The following GRIP1 variants were observed in gnomAD, a reference collection of about 807,000 sequenced individuals.
GRIP1 encodes the protein glutamate receptor interacting protein 1, also known as glutamate receptor-interacting protein 1.
GRIP1 carries 45 observed loss-of-function variants against 129.9 expected under a neutral mutation model. The ratio of observed to expected loss-of-function variants is 0.35; its 90% confidence interval spans 0.27 to 0.44. The LOEUF is 0.44. GRIP1 is among the 20% of genes least tolerant of loss of function. GRIP1 has a pLI of 1.00. For synonymous variants in GRIP1, 530 were observed against 520.8 expected, an observed-to-expected ratio of 1.02 and a Z score of -0.24; for missense variants, 1,196 against 1,396.8, an observed-to-expected ratio of 0.86 and a Z score of 2.29.
chr12:66,437,726 C>T (rs2058353394), intron 13 of GRIP1, among the ~76,000 whole-genome samples: 1 of 152,062 alleles, frequency 6.6e-6, no homozygotes, highest in South Asian at 2.1e-4. Flanking sequence ...GGTAATTTGA[C>T]AACTGGAATG....
Position 67,017,305 on chromosome 12 carries a change from G to A in GRIP1, c.58+51745C>T, listed in dbSNP as rs115886611. Among the ~76,000 whole-genome samples the A allele has an allele frequency of 2.5e-3, 386 of 151,808 alleles. 3 individuals are homozygous for A. The highest frequency in any genetic ancestry group is 8.8e-3 in the African/African-American group (363 of 41,392). On this transcript the variant is annotated intron_variant, in intron 1 of 1. Transcript: ENST00000643019. ...CCCAGTTTATGCCTGTTGTCCTCTC[G>A]GTGGCCCCTTTTACTCTTAAAGCAT...
chr12:66,691,863 T>C (rs1482130310), intron 1 of GRIP1, among the ~76,000 whole-genome samples: 2 of 152,144 alleles, frequency 1.3e-5, no homozygotes, highest in African/African-American at 4.8e-5. Context: ...AGCATGCTAA[T>C]GGAAATGCAC....
chr12:66,528,229 G>A (rs1487442363), intron 5 of GRIP1, among the ~76,000 whole-genome samples: 2 of 147,262 alleles, frequency 1.4e-5, no homozygotes, highest in East Asian at 4.1e-4. Context: ...CCACCTCCCG[G>A]GTTCACACCA....
chr12:66,573,256 C>T (rs7968344), intron 2 of GRIP1, among the ~76,000 whole-genome samples: 4 of 151,710 alleles, frequency 2.6e-5, no homozygotes, highest in South Asian at 2.1e-4. Flanking sequence ...AACCTGGGTG[C>T]GCCTGGGAGT....
intron 1 of GRIP1, among the ~76,000 whole-genome samples, chr12:67,050,127 T>G (rs1221442923): frequency 2.0e-5 from 3 of 152,312 alleles, no homozygotes; most frequent in African/African-American, 7.2e-5. Flanking sequence ...ATTAAACTTT[T>G]GTCTTTTATG....
chr12:66,361,506 C>G (rs560504509), intron 23 of GRIP1, among the ~76,000 whole-genome samples: 1 of 152,354 alleles, frequency 6.6e-6, no homozygotes, highest in South Asian at 2.1e-4. Context: ...CACACATCTA[C>G]TGGTTCACAT....
chr12:66,676,480 T>A lies in GRIP1; in HGVS notation c.55+2370A>T, dbSNP rs1225699664. On this transcript the variant is annotated intron_variant, in intron 1 of 24. Transcript: ENST00000359742. Reference sequence around the variant, plus strand: ...AAGGTTTTAGCCACAAGAGGCCTAATAAAGCTCTTGAAGCATTTCCTAAGA... The same window carrying A: ...AAGGTTTTAGCCACAAGAGGCCTAAAAAAGCTCTTGAAGCATTTCCTAAGA... Among the ~76,000 whole-genome samples, 3 of 152,172 alleles carry A rather than the reference T, an allele frequency of 2.0e-5. No individual in the cohort carries two copies. In the East Asian group the frequency reaches 5.8e-4, roughly 29 times the overall value.
intron 2 of GRIP1, among the ~76,000 whole-genome samples, chr12:66,587,975 A>G (rs770201568): frequency 1.6e-4 from 25 of 152,194 alleles, no homozygotes; most frequent in Admixed American, 3.3e-4. Context: ...TTTGATTTTA[A>G]AAGAATTTGT....
intron 1 of GRIP1, among the ~76,000 whole-genome samples, chr12:66,861,426 T>G (rs948652104): frequency 1.3e-5 from 2 of 152,130 alleles, no homozygotes; most frequent in Non-Finnish European, 2.9e-5. Flanking sequence ...AGCTTTTCAA[T>G]GAGATTTACA....
At chr12:66,612,668 A>T (rs1288499640) in intron 1 of GRIP1, among the ~76,000 whole-genome samples, 2 of 152,114 alleles carry the variant, frequency 1.3e-5, no homozygotes, top group Admixed American at 6.5e-5. Flanking sequence ...AATAAAAAAA[A>T]TTTAAATATC....
At chr12:66,523,846 A>C (rs1489199209) in intron 5 of GRIP1, among the ~76,000 whole-genome samples, 1 of 152,210 alleles carries the variant, frequency 6.6e-6, no homozygotes, top group Non-Finnish European at 1.5e-5. Flanking sequence ...CTACCAAGCA[A>C]ACAGAAAACA....
chr12:67,013,046 GA>G (rs2042733008), intron 1 of GRIP1, among the ~76,000 whole-genome samples: 1 of 152,012 alleles, frequency 6.6e-6, no homozygotes, highest in Non-Finnish European at 1.5e-5. Context: ...TTCACAGAAG[GA>G]AAAAACAGGT....
chr12:66,944,793 T>C (rs1395157654), intron 1 of GRIP1, among the ~76,000 whole-genome samples: 1 of 120,992 alleles, frequency 8.3e-6, no homozygotes, highest in Non-Finnish European at 1.7e-5. Flanking sequence ...TTTTGTTGTT[T>C]GTTTTGTTTT....
chr12:66,744,124 A>G (rs1341574253), intron 1 of GRIP1, among the ~76,000 whole-genome samples: 1 of 152,202 alleles, frequency 6.6e-6, no homozygotes, highest in Non-Finnish European at 1.5e-5. Context: ...AAGTTACCAA[A>G]GCAAGTAACA....
At chr12:66,671,449 G>C (rs2034076781) in intron 1 of GRIP1, among the ~76,000 whole-genome samples, 1 of 151,998 alleles carries the variant, frequency 6.6e-6, no homozygotes, top group South Asian at 2.1e-4. Flanking sequence ...AAAATGCTCA[G>C]ATTTCTCCCA....
At chr12:66,694,262 C>T (rs1051749775) in intron 1 of GRIP1, among the ~76,000 whole-genome samples, 2 of 152,148 alleles carry the variant, frequency 1.3e-5, no homozygotes, top group Admixed American at 1.3e-4. Flanking sequence ...TACTTGAGGC[C>T]ATTATCCAGA....
Position 66,483,818 on chromosome 12 carries a change from T to A in GRIP1, c.725-18396A>T, listed in dbSNP as rs2059874835. On this transcript the variant is annotated intron_variant, in intron 7 of 24. Coordinates refer to ENST00000359742, the MANE Select transcript of GRIP1 (RefSeq NM_001366722.1). ...TACCAGCATCAAATAATCCCCCTAC[T>A]CCTTTACATTGCTCACCATCCAAAA... is the stretch of plus-strand genomic sequence containing the variant. Among the ~76,000 whole-genome samples the A allele has an allele frequency of 2.6e-5, 4 of 151,918 alleles. No homozygotes were observed. The South Asian group carries it at 8.3e-4, about 32-fold the overall frequency.
At chr12:66,629,411 A>G (rs1384418935) in intron 1 of GRIP1, among the ~76,000 whole-genome samples, 1 of 152,232 alleles carries the variant, frequency 6.6e-6, no homozygotes, top group Non-Finnish European at 1.5e-5. Context: ...GCAAAAGGTG[A>G]TACAAGCTCC....
At chr12:66,457,379 C>T (rs953702711) in intron 9 of GRIP1, among the ~76,000 whole-genome samples, 2 of 152,138 alleles carry the variant, frequency 1.3e-5, no homozygotes, top group African/African-American at 4.8e-5. Flanking sequence ...GCAATCCTCC[C>T]GCCTCAGCCT....
Sources: allele counts gnomAD v4.1 joint callset (sites outside exome capture counted in the v4.1 genomes callset), GRCh38; gene constraint gnomAD v4.1.1; transcripts MANE v1.5; gene names NCBI Gene and HGNC (gene_info 2026-07-23, HGNC 2026-07-21).